The following DNER variants were observed in gnomAD, a reference collection of about 807,000 sequenced individuals.
DNER encodes the protein delta/notch like EGF repeat containing, also known as delta and Notch-like epidermal growth factor-related receptor.
DNER carries 33 observed loss-of-function variants against 78.2 expected under a neutral mutation model. That is an observed-to-expected ratio of 0.42 (90% CI 0.32 to 0.56). The LOEUF (loss-of-function observed/expected upper bound fraction) is 0.56. Ranked by LOEUF, DNER falls within the 20% of genes least tolerant of loss-of-function variation. DNER has a pLI of 0.11. For missense variants in DNER, 918 were observed against 975.3 expected (o/e 0.94, Z 0.78); for synonymous variants, 417 against 384.8 (o/e 1.08, Z -0.98).
At chr2:229,531,873 C>T (rs1184041559) in intron 5 of DNER, among the ~76,000 whole-genome samples, 1 of 152,070 alleles carries the variant, frequency 6.6e-6, no homozygotes, top group Admixed American at 6.6e-5. Context: ...AGCCAGAAAA[C>T]ATTATGCTGA....
rs192350334 is a variant in DNER, at chr2:229,439,545, C to T, written c.1486+7771G>A. On this transcript the variant is annotated intron_variant, in intron 8 of 12. Transcript: ENST00000341772. ...CTCAACGCTAAGCTCAGGCCCCTTT[C>T]CATCCAGCCAAGGAAGAAAGGCAAG... 2.1e-3 allele frequency among the ~76,000 whole-genome samples: 316 copies of T among 152,324 alleles called. 2 individuals are homozygous for T. The highest frequency in any genetic ancestry group is 6.8e-3 in the Middle Eastern group (2 of 294).
chr2:229,586,686 T>C (rs926924990), intron 3 of DNER: 4 of 985,456 alleles, frequency 4.1e-6, no homozygotes, highest in Middle Eastern at 1.0e-3. Flanking sequence ...AACCCAGTTC[T>C]TTCTCACCTC....
intron 6 of DNER, among the ~76,000 whole-genome samples, chr2:229,507,858 G>T (rs1472980899): frequency 6.6e-6 from 1 of 152,080 alleles, no homozygotes; most frequent in Non-Finnish European, 1.5e-5. Context: ...TCTTAAATTG[G>T]ACATAAATGT....
intron 1 of DNER, among the ~76,000 whole-genome samples, chr2:229,708,206 T>G (rs1164122968): frequency 2.6e-5 from 4 of 151,922 alleles, no homozygotes; most frequent in African/African-American, 9.7e-5. Context: ...CTCTGCCACA[T>G]GCTATACACT....
At chr2:229,524,457 A>G (rs1023133621) in intron 5 of DNER, among the ~76,000 whole-genome samples, 1 of 152,236 alleles carries the variant, frequency 6.6e-6, no homozygotes, top group Non-Finnish European at 1.5e-5. Flanking sequence ...CCAGTAACAA[A>G]GGAGTCAGTG....
intron 1 of DNER, among the ~76,000 whole-genome samples, chr2:229,686,182 C>G (rs1173518537): frequency 6.6e-6 from 1 of 152,092 alleles, no homozygotes; most frequent in Non-Finnish European, 1.5e-5. Context: ...TTTAGTCAGG[C>G]AAATACACCC....
intron 11 of DNER, among the ~76,000 whole-genome samples, chr2:229,370,098 CT>C (rs2106327732): frequency 6.6e-6 from 1 of 152,342 alleles, no homozygotes; most frequent in East Asian, 1.9e-4. Context: ...ACACCTTCAT[CT>C]TAGCTGTATC....
intron 8 of DNER, among the ~76,000 whole-genome samples, chr2:229,432,353 G>A (rs1421457183): frequency 6.6e-6 from 1 of 151,890 alleles, no homozygotes; most frequent in Non-Finnish European, 1.5e-5. Flanking sequence ...TGGGTGCTGG[G>A]GCCAGCAAAG....
At chr2:229,530,095 T>C (rs928581582) in intron 5 of DNER, among the ~76,000 whole-genome samples, 28 of 151,878 alleles carry the variant, frequency 1.8e-4, no homozygotes, top group East Asian at 7.7e-4. Flanking sequence ...AATGGGGAGA[T>C]AGAATGAAGA....
At position 229,512,891 on chromosome 2, in the gene DNER, A is replaced by C; in HGVS notation, c.1039T>G (p.Cys347Gly). The C allele has an allele frequency of 6.2e-7, 1 of 1,614,154 alleles. No individual in the cohort carries two copies. The highest frequency in any genetic ancestry group is 8.5e-7 in the Non-Finnish European group (1 of 1,180,010). Residue 347 changes from cysteine to glycine, a missense_variant, in exon 6 of 13, where the codon TGT becomes GGT. Cys to Gly is a radical substitution (Grantham distance 159). Transcript: ENST00000341772. ...TCEEQYVGTF[C>G]EEYDACQRKP... ...CTCTGGCAAGCATCGTATTCTTCACAGAAAGTACCCACGTACTGCTCCTCA... is the reference window on the plus strand; with the variant it reads ...CTCTGGCAAGCATCGTATTCTTCACCGAAAGTACCCACGTACTGCTCCTCA...
intron 11 of DNER, among the ~76,000 whole-genome samples, chr2:229,371,116 T>C (rs572448903): frequency 6.6e-6 from 1 of 152,372 alleles, no homozygotes; most frequent in South Asian, 2.1e-4. Flanking sequence ...TCTTTAAAGC[T>C]AGATTCCACC....
At chr2:229,487,006 T>C (rs1695290506) in intron 6 of DNER, among the ~76,000 whole-genome samples, 1 of 152,198 alleles carries the variant, frequency 6.6e-6, no homozygotes, top group Admixed American at 6.5e-5. Context: ...CAAGCAATCT[T>C]TTAACATCAA....
intron 6 of DNER, among the ~76,000 whole-genome samples, chr2:229,508,616 T>C (rs1466937073): frequency 6.6e-6 from 1 of 152,150 alleles, no homozygotes; most frequent in East Asian, 1.9e-4. Flanking sequence ...GCGCGGTGGC[T>C]CATGCCTGTA....
At chr2:229,384,096 A>T (rs1199406380) in intron 11 of DNER, among the ~76,000 whole-genome samples, 1 of 152,242 alleles carries the variant, frequency 6.6e-6, no homozygotes, top group Non-Finnish European at 1.5e-5. Context: ...AGAACTCAGG[A>T]TTAAGAAACT....
intron 10 of DNER, among the ~76,000 whole-genome samples, chr2:229,389,643 T>G (rs575095507): frequency 2.6e-5 from 4 of 152,332 alleles, no homozygotes; most frequent in African/African-American, 9.6e-5. Context: ...TTAATTAGCA[T>G]TAAATTGCTT....
intron 4 of DNER, among the ~76,000 whole-genome samples, chr2:229,564,403 TCAA>T (rs201373654): frequency 0.065 from 9,356 of 143,208 alleles, 463 homozygotes; most frequent in East Asian, 0.13. Context: ...ACCATCATCA[TCAA>T]CATCATCACA....
intron 8 of DNER, among the ~76,000 whole-genome samples, chr2:229,434,035 C>T (rs1001877344): frequency 6.6e-6 from 1 of 152,156 alleles, no homozygotes; most frequent in Non-Finnish European, 1.5e-5. Flanking sequence ...GACAAAGTTG[C>T]GCTGTTTCCA....
intron 8 of DNER, among the ~76,000 whole-genome samples, chr2:229,433,104 T>C (rs1427613786): frequency 6.6e-6 from 1 of 152,144 alleles, no homozygotes; most frequent in Non-Finnish European, 1.5e-5. Flanking sequence ...CGTACCTGAC[T>C]AATTTTTGTA....
chr2:229,465,140 T>C (rs1008199520), intron 7 of DNER, among the ~76,000 whole-genome samples: 5 of 152,192 alleles, frequency 3.3e-5, no homozygotes, highest in Non-Finnish European at 7.3e-5. Context: ...TGTATGTTCA[T>C]TGCAGCACTA....
Sources: allele counts gnomAD v4.1 joint callset (sites outside exome capture counted in the v4.1 genomes callset), GRCh38; gene constraint gnomAD v4.1.1; transcripts MANE v1.5; gene names NCBI Gene and HGNC (gene_info 2026-07-23, HGNC 2026-07-21).